GRK4: variants seen among roughly 807,000 people sequenced by gnomAD.
GRK4 encodes G protein-coupled receptor kinase 4.
GRK4 carries 73 observed loss-of-function variants against 77.9 expected under a neutral mutation model. That is an observed-to-expected ratio of 0.94 (90% CI 0.78 to 1.14). The LOEUF (loss-of-function observed/expected upper bound fraction) is 1.14. Among genes scored for constraint, GRK4 ranks in the 50% most tolerant of loss-of-function variants. The pLI is 0.00. For synonymous variants in GRK4, 257 were observed against 254.4 expected (o/e 1.01, Z -0.10); for missense variants, 729 against 700.2 (o/e 1.04, Z -0.46).
intron 1 of GRK4, among the ~76,000 whole-genome samples, chr4:2,971,956 T>G (rs1356292957): frequency 6.6e-6 from 1 of 152,200 alleles, no homozygotes; most frequent in African/African-American, 2.4e-5. Flanking sequence ...TAATTTTAAC[T>G]TAATTGTCTC....
chr4:3,025,142 A>G (rs369162748), intron 10 of GRK4, among the ~76,000 whole-genome samples: 24 of 151,218 alleles, frequency 1.6e-4, no homozygotes, highest in East Asian at 4.0e-4. Context: ...GTGGTAATAC[A>G]TGCCTGTAGT....
rs1733617148 is a variant in GRK4 at position 3,013,782 on chromosome 4, C to T, written c.695C>T (p.Ala232Val). Residue 232 changes from alanine to valine, a missense_variant, in exon 8 of 16, where the codon GCT (alanine) becomes GTT (valine). By Grantham distance (64) the Ala-to-Val change is moderately conservative. Coordinates refer to ENST00000398052, the MANE Select transcript of GRK4 (RefSeq NM_182982.3). Reference protein sequence around the residue: ...RIKKRKGEAMALNEKRILEKV... With the variant: ...RIKKRKGEAMVLNEKRILEKV... ...AAGAAGAGGAAAGGTGAAGCTATGG[C>T]TCTAAATGAGAAAAGAATTCTGGAG... 6.2e-7 allele frequency: 1 copy of T among 1,612,030 alleles called. No individual in the cohort carries two copies. Among genetic ancestry groups the T allele is most frequent in the Non-Finnish European group, 8.5e-7 (1 of 1,179,380 alleles).
rs750312486 is a variant in GRK4 at position 2,963,974 on chromosome 4, C to T, written c.-97C>T. The T allele has an allele frequency of 1.8e-6, 2 of 1,117,426 alleles. No homozygotes were observed. The highest frequency in any genetic ancestry group is 1.5e-5 in the African/African-American group (1 of 65,558). 69.2% of individuals were successfully genotyped at this position (1,117,426 alleles called of 1,614,324 possible). On this transcript the variant is annotated 5_prime_UTR_variant, in exon 1 of 16. Coordinates refer to ENST00000398052, the MANE Select transcript of GRK4 (RefSeq NM_182982.3). ...CGGAGCTCGAGGAGAGGGTGGTGCC[C>T]GGCGAGCTATGCACGGGGGCGGCGG...
At chr4:2,991,155 A>G (rs2109664853) in intron 3 of GRK4, among the ~76,000 whole-genome samples, 1 of 152,300 alleles carries the variant, frequency 6.6e-6, no homozygotes, top group Middle Eastern at 3.4e-3. Context: ...TGAAATCTGT[A>G]GGGCGGACCG....
At chr4:2,973,405 G>C (rs906848849) in intron 1 of GRK4, among the ~76,000 whole-genome samples, 1 of 152,174 alleles carries the variant, frequency 6.6e-6, no homozygotes, top group East Asian at 1.9e-4. Context: ...ACCAGTTCAC[G>C]CCTGCAGGCT....
At chr4:3,001,906 G>C (rs1729934306) in intron 4 of GRK4, among the ~76,000 whole-genome samples, 1 of 152,160 alleles carries the variant, frequency 6.6e-6, no homozygotes, top group Admixed American at 6.6e-5. Flanking sequence ...TTACAAATTA[G>C]GTGGACAATT....
At chr4:2,970,563 C>T (rs186635527) in intron 1 of GRK4, among the ~76,000 whole-genome samples, 189 of 150,556 alleles carry the variant, frequency 1.3e-3, no homozygotes, top group African/African-American at 3.7e-3. Context: ...GAGGCTGAGG[C>T]GGGAGAATCA....
intron 10 of GRK4, among the ~76,000 whole-genome samples, chr4:3,024,411 C>T (rs568385467): frequency 1.3e-5 from 2 of 152,192 alleles, no homozygotes; most frequent in South Asian, 2.1e-4. Context: ...TTCAGGCATG[C>T]ACCACCACAT....
intron 1 of GRK4, among the ~76,000 whole-genome samples, chr4:2,968,979 A>G (rs186312409): frequency 6.6e-6 from 1 of 152,028 alleles, no homozygotes; most frequent in East Asian, 1.9e-4. Flanking sequence ...CTGGAATGAC[A>G]GTCCCACCAA....
Position 3,013,830 on chromosome 4 carries a change from T to A in GRK4, c.741+2T>A, listed in dbSNP as rs1204950330. 1.9e-6 allele frequency: 3 copies of A among 1,606,316 alleles called. No homozygotes were observed. The Admixed American group carries it at 5.2e-5, about 28-fold the overall frequency. On this transcript the variant is annotated splice_donor_variant, in intron 8 of 15. Transcript: ENST00000398052. LOFTEE classifies it high-confidence loss of function. Reference sequence around the variant, plus strand: ...GAGAAAGTGCAAAGTAGATTCGTAGTAAGTGTCTCCTCTTAGTCTTCACTG... The same window carrying A: ...GAGAAAGTGCAAAGTAGATTCGTAGAAAGTGTCTCCTCTTAGTCTTCACTG...
chr4:3,021,113 G>T (rs1490711843), intron 9 of GRK4, among the ~76,000 whole-genome samples: 2 of 152,124 alleles, frequency 1.3e-5, no homozygotes, highest in Admixed American at 1.3e-4. Context: ...GGCCCTCGTG[G>T]CCTTTGTGAT....
At chr4:3,028,118 G>A in intron 11 of GRK4, 117 bp downstream of exon 11, 2 of 808,740 alleles carry the variant, frequency 2.5e-6, no homozygotes, top group Non-Finnish European at 4.2e-6. Flanking sequence ...ACTAGTAGAT[G>A]GCGCAGTGGT....
chr4:2,980,717 C>A (rs550341911), intron 1 of GRK4, among the ~76,000 whole-genome samples: 1 of 152,290 alleles, frequency 6.6e-6, no homozygotes, highest in East Asian at 1.9e-4. Flanking sequence ...GAACACAAAC[C>A]CACTGGGGCT....
chr4:3,006,109 G>C (rs1731251467), intron 5 of GRK4, among the ~76,000 whole-genome samples: 1 of 152,132 alleles, frequency 6.6e-6, no homozygotes, highest in African/African-American at 2.4e-5. Context: ...GCCAGGCATG[G>C]TGGCTCACGC....
chr4:2,977,553 G>A (rs576742168), intron 1 of GRK4, among the ~76,000 whole-genome samples: 1 of 152,194 alleles, frequency 6.6e-6, no homozygotes, highest in Non-Finnish European at 1.5e-5. Flanking sequence ...AATAAGAATA[G>A]AATTTATTTT....
chr4:3,028,963 G>A (rs1387958105), intron 11 of GRK4, among the ~76,000 whole-genome samples: 2 of 152,006 alleles, frequency 1.3e-5, no homozygotes, highest in Non-Finnish European at 2.9e-5. Flanking sequence ...GTAGAGACAG[G>A]GTTTCACCAT....
chr4:2,992,639 G>A (rs57960709), intron 4 of GRK4, among the ~76,000 whole-genome samples: 1,536 of 151,724 alleles, frequency 0.01, 28 homozygotes, highest in African/African-American at 0.036. Context: ...CCAAGGTCAT[G>A]CCACTGCATT....
Position 2,977,257 on chromosome 4 carries a change from C to T in GRK4, c.53-7256C>T, listed in dbSNP as rs114392667. Among the ~76,000 whole-genome samples, 1,336 of 152,236 alleles carry T rather than the reference C, an allele frequency of 8.8e-3. 24 individuals are homozygous for T. Among genetic ancestry groups the T allele is most frequent in the African/African-American group, 0.03 (1,264 of 41,508 alleles). The stretch of plus-strand genomic sequence containing the variant: ...CCTTCCTCGGTATGATGAGTAACAG[C>T]GCATACTACTGCTGTTTGACCTGTT... On this transcript the variant is annotated intron_variant, in intron 1 of 15. Transcript: ENST00000398052.
intron 9 of GRK4, among the ~76,000 whole-genome samples, chr4:3,020,332 A>T (rs1291532795): frequency 6.6e-6 from 1 of 152,036 alleles, no homozygotes; most frequent in Non-Finnish European, 1.5e-5. Context: ...TGTCTTTTTG[A>T]AGCAGAAGTT....
Sources: allele counts gnomAD v4.1 joint callset (sites outside exome capture counted in the v4.1 genomes callset), GRCh38; gene constraint gnomAD v4.1.1; transcripts MANE v1.5; gene names NCBI Gene and HGNC (gene_info 2026-07-23, HGNC 2026-07-21).